RIMS2: variants seen among roughly 807,000 people sequenced by gnomAD.
RIMS2 encodes the protein regulating synaptic membrane exocytosis 2.
Under a neutral mutation model 174.4 loss-of-function variants are expected in RIMS2, and 59 were observed. That is an observed-to-expected ratio of 0.34 (90% CI 0.27 to 0.42). The LOEUF is 0.42. RIMS2 is among the 10% of genes least tolerant of loss of function. The pLI is 1.00. For missense variants in RIMS2, 1,620 were observed against 1,666.3 expected, an observed-to-expected ratio of 0.97 and a Z score of 0.48; for synonymous variants, 606 against 572.5, an observed-to-expected ratio of 1.06 and a Z score of -0.84.
chr8:104,073,625 G>A (rs1384292876), intron 19 of RIMS2, among the ~76,000 whole-genome samples: 1 of 152,124 alleles, frequency 6.6e-6, no homozygotes, highest in Non-Finnish European at 1.5e-5. Flanking sequence ...TCTTCAAATG[G>A]AGGCCAGAAG....
chr8:104,152,910 G>A (rs1191567331), intron 19 of RIMS2, among the ~76,000 whole-genome samples: 2 of 152,050 alleles, frequency 1.3e-5, no homozygotes, highest in African/African-American at 4.8e-5. Context: ...TTTTGAGATG[G>A]TATTTACTAT....
At chr8:103,572,133 G>A (rs957345052) in intron 1 of RIMS2, among the ~76,000 whole-genome samples, 2 of 152,092 alleles carry the variant, frequency 1.3e-5, no homozygotes, top group African/African-American at 4.8e-5. Flanking sequence ...CCTTCCAGTG[G>A]GTTCATGGTC....
intron 3 of RIMS2, among the ~76,000 whole-genome samples, chr8:103,820,067 C>G (rs958690635): frequency 6.6e-6 from 1 of 152,120 alleles, no homozygotes; most frequent in African/African-American, 2.4e-5. Context: ...AGACATTTCT[C>G]TATGCTGGGT....
intron 1 of RIMS2, among the ~76,000 whole-genome samples, chr8:103,656,212 GATGTT>G (rs1250446454): frequency 1.3e-5 from 2 of 152,130 alleles, no homozygotes; most frequent in Admixed American, 1.3e-4. Context: ...ATTGGGTCGT[GATGTT>G]ATTAAATATG....
chr8:104,191,184 G>T (rs2098995908), intron 19 of RIMS2, among the ~76,000 whole-genome samples: 1 of 151,946 alleles, frequency 6.6e-6, no homozygotes, highest in Non-Finnish European at 1.5e-5. Context: ...TCTATTTTGA[G>T]GGTATTTATG....
intron 1 of RIMS2, among the ~76,000 whole-genome samples, chr8:103,546,947 A>C (rs183032457): frequency 6.6e-6 from 1 of 152,328 alleles, no homozygotes; most frequent in East Asian, 1.9e-4. Flanking sequence ...TTATATGATT[A>C]CAATTATCTT....
At chr8:103,757,179 T>C (rs2098031724) in intron 2 of RIMS2, among the ~76,000 whole-genome samples, 1 of 152,186 alleles carries the variant, frequency 6.6e-6, no homozygotes, top group Non-Finnish European at 1.5e-5. Context: ...AAATATAAAA[T>C]AGGATATAGA....
intron 19 of RIMS2, among the ~76,000 whole-genome samples, chr8:104,065,348 G>C (rs768556534): frequency 6.6e-6 from 1 of 151,856 alleles, no homozygotes; most frequent in Non-Finnish European, 1.5e-5. Context: ...CTATTTTATT[G>C]ATTTCTCTAA....
chr8:103,588,681 G>T (rs2094099627), intron 1 of RIMS2, among the ~76,000 whole-genome samples: 1 of 151,886 alleles, frequency 6.6e-6, no homozygotes, highest in South Asian at 2.1e-4. Context: ...TTCAATAAAT[G>T]GTGCTGGAAA....
In RIMS2 at chr8:103,800,258, GA is replaced by G. The variant is rs112292448; in HGVS notation, c.698+33722del. Reference sequence around the variant, plus strand: ...TAGGTTTTTTGGCATTTTTTACATAGATGATTGCATCACTTATAATGAAAAA... The same window carrying G: ...TAGGTTTTTTGGCATTTTTTACATAGTGATTGCATCACTTATAATGAAAAA... On this transcript the variant is annotated intron_variant, in intron 3 of 23. Coordinates refer to ENST00000504942, the Ensembl canonical transcript of RIMS2. Among the ~76,000 whole-genome samples the G allele has an allele frequency of 4.1e-4, 63 of 151,906 alleles. 1 individual carries two copies. The highest frequency in any genetic ancestry group is 1.5e-3 in the African/African-American group (63 of 41,452).
At chr8:104,056,207 A>G (rs1566068800) in intron 19 of RIMS2, among the ~76,000 whole-genome samples, 1 of 152,078 alleles carries the variant, frequency 6.6e-6, no homozygotes, top group Non-Finnish European at 1.5e-5. Flanking sequence ...GATCAAGACC[A>G]TCCTGGCTAA....
rs2099045978 is a variant in RIMS2, at chr8:103,859,316, T to G, written c.699-25982T>G. 2.0e-5 allele frequency among the ~76,000 whole-genome samples: 3 copies of G among 152,264 alleles called. No homozygotes were observed. In the South Asian group the frequency reaches 6.2e-4, roughly 32 times the overall value. On this transcript the variant is annotated intron_variant, in intron 3 of 23. Transcript: ENST00000504942. ...AAGAGAGCAATCTGAGTAATAAATCTGGAGCCTAGTGGAGAATGCAGAAGC... is the reference window on the plus strand; with the variant it reads ...AAGAGAGCAATCTGAGTAATAAATCGGGAGCCTAGTGGAGAATGCAGAAGC...
At chr8:103,818,733 C>A (rs2154471686) in intron 3 of RIMS2, among the ~76,000 whole-genome samples, 1 of 151,806 alleles carries the variant, frequency 6.6e-6, no homozygotes, top group Non-Finnish European at 1.5e-5. Flanking sequence ...TTAGAAAGGA[C>A]CAGATTCAAC....
At chr8:103,786,144 A>G (rs1412797194) in intron 3 of RIMS2, among the ~76,000 whole-genome samples, 3 of 152,032 alleles carry the variant, frequency 2.0e-5, no homozygotes, top group East Asian at 1.9e-4. Flanking sequence ...TATTGCGTCT[A>G]TTTGATTCTT....
At chr8:103,795,391 C>T (rs941682280) in intron 3 of RIMS2, among the ~76,000 whole-genome samples, 3 of 150,820 alleles carry the variant, frequency 2.0e-5, no homozygotes, top group Non-Finnish European at 4.4e-5. Flanking sequence ...AATGAGAACA[C>T]CTGGACACAG....
At chr8:104,166,089 C>CA (rs1566789905) in intron 19 of RIMS2, among the ~76,000 whole-genome samples, 1 of 117,676 alleles carries the variant, frequency 8.5e-6, no homozygotes, top group African/African-American at 3.3e-5. Context: ...TTTTTTGAGA[C>CA]AGAGTCTCGC....
intron 2 of RIMS2, among the ~76,000 whole-genome samples, chr8:103,713,767 GTGAAGTTTCTAA>G (rs1212869322): frequency 6.6e-6 from 1 of 152,128 alleles, no homozygotes; most frequent in Non-Finnish European, 1.5e-5. Flanking sequence ...CATCACCTGA[GTGAAGTTTCTAA>G]TGGCATAAAG....
chr8:103,890,062 CTG>C (rs2099233938), intron 4 of RIMS2, among the ~76,000 whole-genome samples: 1 of 151,970 alleles, frequency 6.6e-6, no homozygotes, highest in Non-Finnish European at 1.5e-5. Flanking sequence ...TCAAATGAGA[CTG>C]TGTATACACA....
At chr8:104,059,110 G>T (rs62528386) in intron 19 of RIMS2, among the ~76,000 whole-genome samples, 33,723 of 146,384 alleles carry the variant, frequency 0.23, 3,669 homozygotes, top group South Asian at 0.31. Context: ...GTGAAGAAAG[G>T]CATTGGTAGC....
Sources: gnomAD v4.1 joint callset for allele counts (sites outside exome capture counted in the v4.1 genomes callset) on GRCh38, gnomAD v4.1.1 for gene constraint, MANE v1.5 for transcripts, NCBI Gene and HGNC (gene_info 2026-07-23, HGNC 2026-07-21) for gene names.